Variants in HERC1 observed in about 807,000 individuals in gnomAD.
HERC1 encodes the protein HECT and RLD domain containing E3 ubiquitin protein ligase family member 1.
A neutral mutation model predicts 554.3 loss-of-function variants in HERC1; 160 were observed. The observed-to-expected ratio is 0.29, with a 90% CI of 0.25 to 0.33. HERC1 has a LOEUF of 0.33. Among genes scored for constraint, HERC1 ranks in the 10% least tolerant of loss-of-function variants. HERC1 has a pLI of 1.00. For missense variants in HERC1, 4,919 were observed against 5,918.5 expected (o/e 0.83, Z 5.54); for synonymous variants, 2,175 against 2,131.7 (o/e 1.02, Z -0.56).
chr15:63,658,658 G>T lies in HERC1; in HGVS notation c.9485C>A (p.Ala3162Asp). The change falls in exon 48 of 78, where the codon GCT (alanine) becomes GAT (aspartate). Residue 3162 changes from alanine (A) to aspartate (D), a missense_variant. This residue lies in a region of HERC1 where 1,963 missense variants were observed against 2,228.6 expected (regional missense o/e 0.88). Coordinates refer to ENST00000443617, the MANE Select transcript of HERC1 (RefSeq NM_003922.4). The part of the protein sequence containing the change: ...SGRITLGEQA[A>D]ALANPHDRVV... The stretch of plus-strand genomic sequence containing the variant: ...ACGGTCATGAGGGTTTGCTAGGGCA[G>T]CTGCCTGCTCTCCTAACGTTATTCT... 6.2e-7 allele frequency: 1 copy of T among 1,613,886 alleles called. No individual in the cohort carries two copies. The highest frequency in any genetic ancestry group is 8.5e-7 in the Non-Finnish European group (1 of 1,179,766).
intron 55 of HERC1, 115 bp downstream of exon 55, chr15:63,647,954 T>C (rs777431960): frequency 3.1e-5 from 25 of 803,642 alleles, no homozygotes; most frequent in South Asian, 5.1e-5. Flanking sequence ...GTACAATGTA[T>C]GTCATTTGGG....
chr15:63,662,021 G>C lies in HERC1; in HGVS notation c.8902C>G (p.His2968Asp), dbSNP rs919329096. The change falls in exon 45 of 78, where the codon CAT becomes GAT. Residue 2968 changes from histidine to aspartate, a missense_variant and splice_region_variant. By Grantham distance (81) the His-to-Asp change is moderately conservative (BLOSUM62 -1). Around this residue, in one of 11 missense-constraint regions of HERC1, gnomAD observed 1,963 missense variants for 2,228.6 expected, o/e 0.88. Transcript: ENST00000443617. ...TCCCTGTCTTCAGACTCACAAACAT[G>C]CTGCACAAAAGGATTTCATACCAAA... ...IPEVLDWPTW[H>D]VCESEDREEV... The C allele has an allele frequency of 6.2e-7, 1 of 1,609,148 alleles. No homozygotes were observed. The highest frequency in any genetic ancestry group is 1.3e-5 in the African/African-American group (1 of 74,832).
rs74564559 is a variant in HERC1, at chr15:63,620,876, C to A, written c.13688+1939G>T. 4.7e-3 allele frequency among the ~76,000 whole-genome samples: 717 copies of A among 152,178 alleles called. 10 individuals are homozygous for A. The highest frequency in any genetic ancestry group is 0.017 in the African/African-American group (689 of 41,494). On this transcript the variant is annotated intron_variant, in intron 74 of 77. Coordinates refer to ENST00000443617, the MANE Select transcript of HERC1 (RefSeq NM_003922.4). The stretch of plus-strand genomic sequence containing the variant: ...TCTTCCTCCATCCCTTTATTTTGAG[C>A]CTATATGTGTCTCTGCATGTGAGAT...
At chr15:63,824,687 C>A (rs1295822251) in intron 1 of HERC1, among the ~76,000 whole-genome samples, 2 of 152,070 alleles carry the variant, frequency 1.3e-5, no homozygotes, top group Non-Finnish European at 2.9e-5. Flanking sequence ...AGATATGGAA[C>A]CAACCTACAC....
rs544296051 is a variant in HERC1, at chr15:63,807,052, A to G, written c.-27+26775T>C. ...TGAGCCACCACACCCGGCCTGAGTG[A>G]TTTTTTTAAGGCTCAAAATCCACTA... On this transcript the variant is annotated intron_variant, in intron 1 of 77. Transcript: ENST00000443617. Among the ~76,000 whole-genome samples, 3 of 152,266 alleles carry G rather than the reference A, an allele frequency of 2.0e-5. 1 individual carries two copies. The East Asian group carries it at 5.8e-4, about 29-fold the overall frequency.
At chr15:63,643,238 TATC>T (rs1386969734) in intron 58 of HERC1, among the ~76,000 whole-genome samples, 163 bp downstream of exon 58, 2 of 152,206 alleles carry the variant, frequency 1.3e-5, no homozygotes, top group Non-Finnish European at 2.9e-5. Context: ...TAAAAACACT[TATC>T]ATCAGTAAGA....
chr15:63,721,978 A>G (rs1185317936), intron 19 of HERC1, among the ~76,000 whole-genome samples: 1 of 152,152 alleles, frequency 6.6e-6, no homozygotes, highest in Non-Finnish European at 1.5e-5. Flanking sequence ...GTTGTCCTTT[A>G]GCCTCCCGAG....
Position 63,650,200 on chromosome 15 carries a change from C to T in HERC1, c.10547-275G>A, listed in dbSNP as rs377489615. Among the ~76,000 whole-genome samples, 65 of 151,966 alleles carry T rather than the reference C, an allele frequency of 4.3e-4. 1 individual carries two copies. In the East Asian group the frequency reaches 0.011, roughly 25 times the overall value. ...GGCGGATCACCTGAGGTCAGGAATT[C>T]GAGACCAGCCTAGTCAACATGGTGA... On this transcript the variant is annotated intron_variant, in intron 53 of 77. Transcript: ENST00000443617.
intron 1 of HERC1, among the ~76,000 whole-genome samples, chr15:63,777,634 T>C (rs1233527597): frequency 6.6e-6 from 1 of 152,238 alleles, no homozygotes; most frequent in Non-Finnish European, 1.5e-5. Flanking sequence ...TTTTGTATTT[T>C]ATCACAGTCT....
chr15:63,613,396 A>G (rs897596981), intron 76 of HERC1, among the ~76,000 whole-genome samples: 3 of 152,114 alleles, frequency 2.0e-5, no homozygotes, highest in Non-Finnish European at 4.4e-5. Flanking sequence ...TGTCTCCTCC[A>G]ATATTATACA....
chr15:63,672,832 G>C, intron 38 of HERC1, 138 bp from the exon 39 acceptor site: 2 of 639,624 alleles, frequency 3.1e-6, no homozygotes, highest in South Asian at 4.2e-5. Context: ...ATGAAAGATT[G>C]ACAGAAAAAA....
At chr15:63,642,340 A>T (rs1413930826) in intron 59 of HERC1, among the ~76,000 whole-genome samples, 1 of 152,032 alleles carries the variant, frequency 6.6e-6, no homozygotes, top group Non-Finnish European at 1.5e-5. Context: ...TGTTTGAGAG[A>T]GTTTTTTTTT....
chr15:63,664,075 C>G (rs960701139), intron 43 of HERC1, among the ~76,000 whole-genome samples: 3 of 152,170 alleles, frequency 2.0e-5, no homozygotes, highest in Admixed American at 6.5e-5. Context: ...AACCACAGAG[C>G]AGTACATCAG....
intron 34 of HERC1, among the ~76,000 whole-genome samples, chr15:63,684,074 C>T (rs2071617501): frequency 6.6e-6 from 1 of 152,184 alleles, no homozygotes; most frequent in African/African-American, 2.4e-5. Context: ...GCTGGCTGGA[C>T]TGTCCAGGTT....
chr15:63,666,898 C>T lies in HERC1; in HGVS notation c.8207-426G>A, dbSNP rs2070670259. Among the ~76,000 whole-genome samples the T allele has an allele frequency of 3.3e-5, 5 of 152,282 alleles. No homozygotes were observed. In the South Asian group the frequency reaches 1.0e-3, roughly 32 times the overall value. On this transcript the variant is annotated intron_variant, in intron 40 of 77. Transcript: ENST00000443617. ...GTGATGCTCTGCCTTCATGTTTCAG[C>T]TCTCATGTGAAAAACAAGTGTCCTT...
Position 63,749,706 on chromosome 15 carries a change from G to C in HERC1, c.1988C>G (p.Ala663Gly), listed in dbSNP as rs137926425. 7.1e-3 allele frequency: 11,215 copies of C among 1,588,814 alleles called. 57 individuals carry two copies. The highest frequency in any genetic ancestry group is 7.6e-3 in the Non-Finnish European group (8,924 of 1,166,736). The change falls in exon 9 of 78, where the codon GCT (alanine) becomes GGT (glycine). Residue 663 changes from alanine to glycine, a missense_variant. Around this residue, in one of 11 missense-constraint regions of HERC1, gnomAD observed 744 missense variants for 1,090.0 expected, o/e 0.68. Transcript: ENST00000443617. This position sits in a 1 kb window ranked among gnomAD's most constrained non-coding sequence, Gnocchi z 4.1. ...ALRPKLIEELAATRIVDVSIG... is the reference protein window; with the variant it reads ...ALRPKLIEELGATRIVDVSIG... Reference sequence around the variant, plus strand: ...AGAAACATCAACTATTCTTGTGGCAGCCAGTTCTTCAATAAGCTTGGGTCT... The same window carrying C: ...AGAAACATCAACTATTCTTGTGGCACCCAGTTCTTCAATAAGCTTGGGTCT...
chr15:63,736,149 C>A (rs1374187276), intron 12 of HERC1, among the ~76,000 whole-genome samples: 1 of 152,154 alleles, frequency 6.6e-6, no homozygotes, highest in Admixed American at 6.6e-5. Context: ...GAAATGGCTA[C>A]ACCCTAAGTC....
At chr15:63,735,278 C>A (rs1246464098) in intron 12 of HERC1, among the ~76,000 whole-genome samples, 1 of 151,018 alleles carries the variant, frequency 6.6e-6, no homozygotes, top group Non-Finnish European at 1.5e-5. Flanking sequence ...ACAAACAGGG[C>A]AATTAACATG....
At chr15:63,816,382 T>C (rs1380937215) in intron 1 of HERC1, among the ~76,000 whole-genome samples, 1 of 152,240 alleles carries the variant, frequency 6.6e-6, no homozygotes, top group Non-Finnish European at 1.5e-5. Context: ...AAAAATATGC[T>C]GTCTTATGTA....
Sources: allele counts gnomAD v4.1 joint callset (sites outside exome capture counted in the v4.1 genomes callset), GRCh38; gene constraint gnomAD v4.1.1; regional missense constraint gnomAD v4.1.1; non-coding constraint Gnocchi (gnomAD v3.1); transcripts MANE v1.5; gene names NCBI Gene and HGNC (gene_info 2026-07-23, HGNC 2026-07-21).